SPOCK1: variants seen among roughly 807,000 people sequenced by gnomAD.
SPOCK1 encodes the protein testican-1.
A neutral mutation model predicts 55.3 loss-of-function variants in SPOCK1; 23 were observed. The observed-to-expected ratio is 0.42, with a 90% CI of 0.30 to 0.59. SPOCK1 has a LOEUF of 0.59. Among genes scored for constraint, SPOCK1 ranks in the 20% least tolerant of loss-of-function variants. The probability of loss-of-function intolerance (pLI) is 0.22; values close to 1 mark genes in which losing one functional copy is unlikely to be tolerated. For missense variants in SPOCK1, 499 were observed against 552.5 expected (o/e 0.90, Z 0.97); for synonymous variants, 226 against 221.0 (o/e 1.02, Z -0.20).
chr5:137,013,234 T>C (rs551178175), intron 6 of SPOCK1, among the ~76,000 whole-genome samples: 14 of 127,514 alleles, frequency 1.1e-4, no homozygotes, highest in Non-Finnish European at 1.8e-4. Flanking sequence ...TGTTTTGTTT[T>C]GTTTTGTTTT....
intron 5 of SPOCK1, among the ~76,000 whole-genome samples, chr5:137,071,101 C>T (rs1322037701): frequency 6.6e-6 from 1 of 150,732 alleles, no homozygotes; most frequent in Non-Finnish European, 1.5e-5. Flanking sequence ...TAGCTCACTG[C>T]AGTCTTGAAC....
chr5:137,200,514 A>T (rs1380204245), intron 3 of SPOCK1, among the ~76,000 whole-genome samples: 1 of 152,208 alleles, frequency 6.6e-6, no homozygotes, highest in Non-Finnish European at 1.5e-5. Flanking sequence ...TGCTCCAGAA[A>T]GGCAGGCATT....
Position 137,273,336 on chromosome 5 carries a change from A to T in SPOCK1, c.187-6281T>A, listed in dbSNP as rs1259005325. On this transcript the variant is annotated intron_variant, in intron 2 of 10. Coordinates refer to ENST00000394945, the MANE Select transcript of SPOCK1 (RefSeq NM_004598.4). ...TTACATTTTATTTGGCAACTACTTT[A>T]ATGCTATGTCTACATACAGTTGAAA... 8 of 976,586 alleles carry T rather than the reference A, an allele frequency of 8.2e-6. No individual in the cohort carries two copies. The Admixed American group carries it at 4.3e-4, about 53-fold the overall frequency. 60.5% of individuals were successfully genotyped at this position (976,586 alleles called of 1,614,324 possible). A position where few individuals can be genotyped will look rare whatever the true frequency, so the allele number is the denominator to read the frequency against.
intron 3 of SPOCK1, among the ~76,000 whole-genome samples, chr5:137,264,813 A>G (rs538020993): frequency 1.3e-5 from 2 of 152,220 alleles, no homozygotes; most frequent in African/African-American, 2.4e-5. Context: ...GCCGCACACA[A>G]TGTAATTGAT....
intron 5 of SPOCK1, among the ~76,000 whole-genome samples, chr5:137,105,042 CTT>C (rs1298718724): frequency 6.6e-6 from 1 of 152,132 alleles, no homozygotes; most frequent in Non-Finnish European, 1.5e-5. Flanking sequence ...GCACAAGACT[CTT>C]TTCCCCACTA....
At chr5:137,039,862 C>T (rs946074189) in intron 6 of SPOCK1, among the ~76,000 whole-genome samples, 52 of 152,336 alleles carry the variant, frequency 3.4e-4, no homozygotes, top group African/African-American at 1.2e-3. Flanking sequence ...TGGCTCTTCA[C>T]CTGAACAACA....
intron 6 of SPOCK1, among the ~76,000 whole-genome samples, chr5:137,001,865 C>A (rs1232930666): frequency 6.6e-6 from 1 of 152,128 alleles, no homozygotes; most frequent in Non-Finnish European, 1.5e-5. Flanking sequence ...TAGGAGCTTA[C>A]TGAAGGGATT....
chr5:137,370,315 C>T (rs1431869351), intron 2 of SPOCK1, among the ~76,000 whole-genome samples: 2 of 152,188 alleles, frequency 1.3e-5, no homozygotes, highest in Admixed American at 1.3e-4. Context: ...GACAGTCACA[C>T]GCCGACCGAG....
chr5:137,168,373 C>T (rs770079197), intron 3 of SPOCK1, among the ~76,000 whole-genome samples: 2 of 152,042 alleles, frequency 1.3e-5, no homozygotes, highest in Non-Finnish European at 2.9e-5. Context: ...AGTTAAAAAG[C>T]TTCTGAACAG....
At chr5:137,177,730 G>A (rs1754884379) in intron 3 of SPOCK1, among the ~76,000 whole-genome samples, 1 of 151,942 alleles carries the variant, frequency 6.6e-6, no homozygotes, top group Non-Finnish European at 1.5e-5. Flanking sequence ...GGAGCCCCAA[G>A]CATTCACTTT....
chr5:137,344,656 A>G (rs1268653774), intron 2 of SPOCK1, among the ~76,000 whole-genome samples: 1 of 152,228 alleles, frequency 6.6e-6, no homozygotes, highest in Non-Finnish European at 1.5e-5. Flanking sequence ...GGAATTTTCC[A>G]GTCCAAAAGC....
chr5:137,490,689 T>A (rs1754157424), intron 2 of SPOCK1, among the ~76,000 whole-genome samples: 1 of 152,190 alleles, frequency 6.6e-6, no homozygotes, highest in Non-Finnish European at 1.5e-5. Context: ...TTCGCATAAC[T>A]TGGATTTCAG....
intron 6 of SPOCK1, among the ~76,000 whole-genome samples, chr5:137,025,936 C>A (rs1751665885): frequency 6.6e-6 from 1 of 152,156 alleles, no homozygotes; most frequent in South Asian, 2.1e-4. Flanking sequence ...GAGGTATTAA[C>A]CCCACTCAGG....
Position 137,488,771 on chromosome 5 carries a change from C to T in SPOCK1, c.186+9602G>A, listed in dbSNP as rs1024523092. Among the ~76,000 whole-genome samples the T allele has an allele frequency of 9.7e-4, 147 of 152,280 alleles. 1 individual carries two copies. Among genetic ancestry groups the T allele is most frequent in the African/African-American group, 3.3e-3 (136 of 41,548 alleles). On this transcript the variant is annotated intron_variant, in intron 2 of 10. Coordinates refer to ENST00000394945, the MANE Select transcript of SPOCK1 (RefSeq NM_004598.4). ...TCCCTGCTCCAATCACAGGCGCCGA[C>T]GGACTTTGCATAAATGCCTGCTCAC...
At chr5:137,082,511 C>T (rs1325431344) in intron 5 of SPOCK1, among the ~76,000 whole-genome samples, 14 of 152,150 alleles carry the variant, frequency 9.2e-5, no homozygotes, top group Admixed American at 9.2e-4. Flanking sequence ...CAGACGCAGG[C>T]ATTCAGGGAC....
At chr5:137,298,614 G>A (rs532119019) in intron 2 of SPOCK1, among the ~76,000 whole-genome samples, 1 of 152,258 alleles carries the variant, frequency 6.6e-6, no homozygotes, top group South Asian at 2.1e-4. Context: ...CTACAAGAGA[G>A]AATCTGTTTA....
Position 137,112,500 on chromosome 5 carries a change from T to C in SPOCK1, c.409A>G (p.Lys137Glu), listed in dbSNP as rs1420033748. ...WVGPSNLVKCKPCPVAQSAMV... is the reference protein window; with the variant it reads ...WVGPSNLVKCEPCPVAQSAMV... Reference sequence around the variant, plus strand: ...GCTGACTGTGCCACGGGACAGGGCTTGCACTTGACCAAATTCGAAGGTCCA... The same window carrying C: ...GCTGACTGTGCCACGGGACAGGGCTCGCACTTGACCAAATTCGAAGGTCCA... Residue 137 changes from lysine to glutamate, a missense_variant, in exon 5 of 11, where the codon AAG becomes GAG. By Grantham distance (56) the Lys-to-Glu change is moderately conservative. Around this residue, in one of 3 missense-constraint regions of SPOCK1, gnomAD observed 386 missense variants for 400.6 expected, o/e 0.96. Coordinates refer to ENST00000394945, the MANE Select transcript of SPOCK1 (RefSeq NM_004598.4). 17 of 1,613,788 alleles carry C rather than the reference T, an allele frequency of 1.1e-5. No homozygotes were observed. Among genetic ancestry groups the C allele is most frequent in the Non-Finnish European group, 1.4e-5 (17 of 1,180,016 alleles).
intron 2 of SPOCK1, among the ~76,000 whole-genome samples, chr5:137,352,565 G>A (rs1750706233): frequency 6.6e-6 from 1 of 152,150 alleles, no homozygotes. Flanking sequence ...AGCTAGTAGA[G>A]TGCCTGGCAC....
At chr5:137,017,159 T>C (rs960323426) in intron 6 of SPOCK1, among the ~76,000 whole-genome samples, 17 of 152,352 alleles carry the variant, frequency 1.1e-4, no homozygotes, top group Middle Eastern at 3.4e-3. Context: ...AGCGAGGAAT[T>C]AAATAGTCAA....
Sources: allele counts gnomAD v4.1 joint callset (sites outside exome capture counted in the v4.1 genomes callset), GRCh38; gene constraint gnomAD v4.1.1; regional missense constraint gnomAD v4.1.1; transcripts MANE v1.5; gene names NCBI Gene and HGNC (gene_info 2026-07-23, HGNC 2026-07-21).